MDGA2: variants seen among roughly 807,000 people sequenced by gnomAD.
MDGA2 encodes MAM domain-containing glycosylphosphatidylinositol anchor protein 2.
Under a neutral mutation model 117.8 loss-of-function variants are expected in MDGA2, and 40 were observed. The ratio of observed to expected loss-of-function variants is 0.34; its 90% CI spans 0.26 to 0.44. The LOEUF (loss-of-function observed/expected upper bound fraction) is 0.44, where lower values mean the gene tolerates loss of function less well. Ranked by LOEUF, MDGA2 falls within the 20% of genes least tolerant of loss-of-function variation. MDGA2 has a pLI of 1.00. For missense variants in MDGA2, 1,123 were observed against 1,250.6 expected, an observed-to-expected ratio of 0.90 and a Z score of 1.54; for synonymous variants, 452 against 439.0, an observed-to-expected ratio of 1.03 and a Z score of -0.37.
intron 1 of MDGA2, among the ~76,000 whole-genome samples, chr14:47,471,504 C>T (rs1045474290): frequency 1.3e-5 from 2 of 152,054 alleles, no homozygotes; most frequent in African/African-American, 4.8e-5. Flanking sequence ...ATTCAAGGAA[C>T]AATTATATCA....
chr14:46,857,618 C>T (rs928535328), intron 14 of MDGA2, among the ~76,000 whole-genome samples: 1 of 151,882 alleles, frequency 6.6e-6, no homozygotes, highest in Non-Finnish European at 1.5e-5. Context: ...TCTTCTAAGT[C>T]TTTTCCATTA....
intron 8 of MDGA2, among the ~76,000 whole-genome samples, chr14:47,019,507 T>C (rs1387837282): frequency 1.3e-5 from 2 of 152,138 alleles, no homozygotes; most frequent in Admixed American, 6.5e-5. Flanking sequence ...TAACAACGTG[T>C]AAAGGGATTT....
intron 13 of MDGA2, 147 bp from the exon 14 acceptor site, chr14:46,873,738 G>A (rs1882108773): frequency 1.5e-6 from 1 of 667,594 alleles, no homozygotes. Context: ...ATGTGTATAT[G>A]TAACTAATAG....
chr14:47,357,749 C>A lies in MDGA2; in HGVS notation c.281-56199G>T, dbSNP rs1326903512. Among the ~76,000 whole-genome samples the A allele has an allele frequency of 2.6e-5, 4 of 152,190 alleles. No individual in the cohort carries two copies. In the East Asian group the frequency reaches 7.7e-4, roughly 29 times the overall value. On this transcript the variant is annotated intron_variant, in intron 1 of 16. Coordinates refer to ENST00000399232, the MANE Select transcript of MDGA2 (RefSeq NM_001113498.3). ...GATAGCAAACTTTGTGTCTTCCAGA[C>A]TTCAACAGTTTCATCTCTAGCTTGT... is the stretch of plus-strand genomic sequence containing the variant.
chr14:47,661,661 G>A (rs2064796), intron 1 of MDGA2, among the ~76,000 whole-genome samples: 151,384 of 152,116 alleles, frequency 1, 75,333 homozygotes, highest in East Asian at 1. Flanking sequence ...TAATGCAGGT[G>A]GAATAAACTG....
intron 2 of MDGA2, among the ~76,000 whole-genome samples, chr14:47,295,980 A>AGATG (rs58307199): frequency 0.063 from 9,322 of 148,860 alleles, 488 homozygotes; most frequent in South Asian, 0.091. Context: ...ATAGATAGAT[A>AGATG]TAGTAAAGCT....
chr14:46,985,778 T>G (rs1427532072), intron 8 of MDGA2, among the ~76,000 whole-genome samples: 1 of 152,000 alleles, frequency 6.6e-6, no homozygotes, highest in Non-Finnish European at 1.5e-5. Context: ...AAAGAACACT[T>G]TTACGGACCT....
At chr14:47,674,264 C>A (rs1159765845) in intron 1 of MDGA2, among the ~76,000 whole-genome samples, 3 of 152,224 alleles carry the variant, frequency 2.0e-5, no homozygotes, top group Non-Finnish European at 2.9e-5. Flanking sequence ...AAGTGCAAAG[C>A]CGCTCGTTCG....
chr14:46,955,577 T>C (rs1733777979), intron 9 of MDGA2, among the ~76,000 whole-genome samples: 1 of 152,052 alleles, frequency 6.6e-6, no homozygotes, highest in African/African-American at 2.4e-5. Flanking sequence ...GACATTTAAG[T>C]GAACACAACG....
intron 1 of MDGA2, among the ~76,000 whole-genome samples, chr14:47,337,089 G>T (rs999637609): frequency 6.6e-6 from 1 of 151,896 alleles, no homozygotes; most frequent in Non-Finnish European, 1.5e-5. Context: ...TTTCAAATCT[G>T]ATTCCACTTA....
chr14:47,044,030 T>C (rs1298535968), intron 7 of MDGA2, among the ~76,000 whole-genome samples: 1 of 152,086 alleles, frequency 6.6e-6, no homozygotes, highest in Non-Finnish European at 1.5e-5. Flanking sequence ...TCAGGGTTTT[T>C]CTATTTCTTC....
chr14:46,873,855 T>C (rs1882117112), intron 13 of MDGA2, 190 bp downstream of exon 13: 11 of 570,810 alleles, frequency 1.9e-5, no homozygotes, highest in South Asian at 1.8e-4. Context: ...CTCTACTATA[T>C]GTATCAGTGA....
At chr14:47,643,445 T>C (rs192768203) in intron 1 of MDGA2, among the ~76,000 whole-genome samples, 2 of 152,126 alleles carry the variant, frequency 1.3e-5, no homozygotes, top group East Asian at 1.9e-4. Flanking sequence ...TATATGGAAA[T>C]TACCTACATA....
chr14:47,412,621 T>G (rs980333653), intron 1 of MDGA2, among the ~76,000 whole-genome samples: 1 of 152,236 alleles, frequency 6.6e-6, no homozygotes, highest in Non-Finnish European at 1.5e-5. Context: ...TGAAATGTTG[T>G]AGATTACAGA....
At chr14:47,540,550 ATATG>A (rs376723882) in intron 1 of MDGA2, among the ~76,000 whole-genome samples, 13,462 of 83,906 alleles carry the variant, frequency 0.16, 1,001 homozygotes, top group Middle Eastern at 0.2. Flanking sequence ...GTATATATAT[ATATG>A]TATATATATA....
At chr14:47,150,845 A>T (rs1594671577) in intron 3 of MDGA2, among the ~76,000 whole-genome samples, 1 of 149,078 alleles carries the variant, frequency 6.7e-6, no homozygotes, top group South Asian at 2.1e-4. Context: ...AATCGCTTGA[A>T]CCCGGGAGGT....
chr14:47,563,431 C>CAT (rs1337800724), intron 1 of MDGA2, among the ~76,000 whole-genome samples: 2 of 152,048 alleles, frequency 1.3e-5, no homozygotes, highest in Non-Finnish European at 2.9e-5. Flanking sequence ...GTGTTAGGTG[C>CAT]ATATATATTT....
chr14:47,257,141 CTAAA>C (rs1367878063), intron 2 of MDGA2, among the ~76,000 whole-genome samples: 2 of 152,104 alleles, frequency 1.3e-5, no homozygotes, highest in African/African-American at 2.4e-5. Context: ...TCAAAGCACT[CTAAA>C]TAGCTTCCTG....
intron 1 of MDGA2, among the ~76,000 whole-genome samples, chr14:47,346,609 T>C (rs770766422): frequency 2.0e-5 from 3 of 152,194 alleles, no homozygotes; most frequent in Non-Finnish European, 2.9e-5. Context: ...GCATAACATG[T>C]TTATGAGAAT....
Sources: gnomAD v4.1 joint callset for allele counts (sites outside exome capture counted in the v4.1 genomes callset) on GRCh38, gnomAD v4.1.1 for gene constraint, MANE v1.5 for transcripts, NCBI Gene and HGNC (gene_info 2026-07-23, HGNC 2026-07-21) for gene names.